CNTNAP2: variants seen among roughly 807,000 people sequenced by gnomAD.
CNTNAP2 encodes the protein contactin-associated protein-like 2.
A neutral mutation model predicts 155.2 loss-of-function variants in CNTNAP2; 98 were observed. The observed-to-expected ratio is 0.63, with a 90% CI of 0.54 to 0.75. CNTNAP2 has a LOEUF of 0.75. Ranked by LOEUF, CNTNAP2 falls within the 30% of genes least tolerant of loss-of-function variation. The pLI is 0.00. For missense variants in CNTNAP2, 1,727 were observed against 1,688.1 expected, an observed-to-expected ratio of 1.02 and a Z score of -0.40; for synonymous variants, 651 against 631.2, an observed-to-expected ratio of 1.03 and a Z score of -0.47.
chr7:147,624,503 A>G (rs1029597247), intron 12 of CNTNAP2, among the ~76,000 whole-genome samples: 4 of 152,214 alleles, frequency 2.6e-5, no homozygotes, highest in African/African-American at 7.2e-5. Flanking sequence ...CAGACATGTG[A>G]AAAAGTGCTA....
chr7:146,706,486 TG>T (rs1800967895), intron 1 of CNTNAP2, among the ~76,000 whole-genome samples: 1 of 152,162 alleles, frequency 6.6e-6, no homozygotes, highest in Non-Finnish European at 1.5e-5. Context: ...ATAATGAATG[TG>T]ATTTATCTAA....
intron 3 of CNTNAP2, among the ~76,000 whole-genome samples, chr7:146,993,010 C>T (rs977089599): frequency 1.3e-5 from 2 of 152,150 alleles, no homozygotes; most frequent in Non-Finnish European, 2.9e-5. Flanking sequence ...TATGGGTCTG[C>T]AGCAACCTCA....
intron 13 of CNTNAP2, among the ~76,000 whole-genome samples, chr7:147,733,373 G>A (rs1402047789): frequency 1.3e-5 from 2 of 152,068 alleles, no homozygotes; most frequent in African/African-American, 2.4e-5. Flanking sequence ...TGTTCCCTTG[G>A]TCTATATCTC....
chr7:147,574,166 T>A (rs1168566196), intron 12 of CNTNAP2, among the ~76,000 whole-genome samples: 1 of 152,196 alleles, frequency 6.6e-6, no homozygotes, highest in Non-Finnish European at 1.5e-5. Context: ...GAAAATTTCC[T>A]TTTCTAATGG....
chr7:147,774,207 A>G (rs1326892663), intron 13 of CNTNAP2, among the ~76,000 whole-genome samples: 2 of 152,196 alleles, frequency 1.3e-5, no homozygotes, highest in Admixed American at 6.5e-5. Context: ...TGCCTCACCA[A>G]TGGAGAGTAA....
intron 13 of CNTNAP2, among the ~76,000 whole-genome samples, chr7:147,875,742 A>G (rs1799411299): frequency 6.6e-6 from 1 of 152,168 alleles, no homozygotes; most frequent in African/African-American, 2.4e-5. Flanking sequence ...AATAATAAAA[A>G]TAAAATAAAT....
At chr7:147,438,559 T>G (rs183057429) in intron 10 of CNTNAP2, among the ~76,000 whole-genome samples, 1 of 151,948 alleles carries the variant, frequency 6.6e-6, no homozygotes, top group Non-Finnish European at 1.5e-5. Context: ...ATTTTTTTCA[T>G]GTGTCTTTGT....
intron 15 of CNTNAP2, among the ~76,000 whole-genome samples, chr7:148,036,589 G>A (rs1049727829): frequency 1.3e-5 from 2 of 151,936 alleles, no homozygotes; most frequent in African/African-American, 2.4e-5. Flanking sequence ...GATGTCCCAG[G>A]CTCCAAAGGG....
intron 4 of CNTNAP2, among the ~76,000 whole-genome samples, chr7:147,080,684 A>G (rs568246966): frequency 6.7e-6 from 1 of 148,190 alleles, no homozygotes; most frequent in Non-Finnish European, 1.5e-5. Context: ...TATAACATAT[A>G]TATCTATATA....
At chr7:147,299,911 C>A (rs1386913387) in intron 8 of CNTNAP2, among the ~76,000 whole-genome samples, 1 of 152,140 alleles carries the variant, frequency 6.6e-6, no homozygotes, top group Admixed American at 6.5e-5. Flanking sequence ...GGTATTAATA[C>A]TGCTTCTCTA....
At chr7:146,573,317 A>G (rs1174073285) in intron 1 of CNTNAP2, among the ~76,000 whole-genome samples, 2 of 151,918 alleles carry the variant, frequency 1.3e-5, no homozygotes. Context: ...TAAGTTTTGT[A>G]TTTTTAGTAG....
chr7:146,460,015 A>T (rs1392063134), intron 1 of CNTNAP2, among the ~76,000 whole-genome samples: 2 of 152,088 alleles, frequency 1.3e-5, no homozygotes, highest in Non-Finnish European at 2.9e-5. Flanking sequence ...GGGCTACTGG[A>T]TGCTTGTGAG....
rs565573565 is a variant in CNTNAP2, at chr7:147,462,317, A to G, written c.1671-23618A>G. The stretch of plus-strand genomic sequence containing the variant: ...GCTTAGAGTCCCCAGTGCTTCATAC[A>G]GTGCATGAAACATAATAGGCAGCCA... On this transcript the variant is annotated intron_variant, in intron 10 of 23. Coordinates refer to ENST00000361727, the MANE Select transcript of CNTNAP2 (RefSeq NM_014141.6). 2.6e-5 allele frequency among the ~76,000 whole-genome samples: 4 copies of G among 152,364 alleles called. No individual in the cohort carries two copies. In the South Asian group the frequency reaches 8.3e-4, roughly 32 times the overall value.
intron 22 of CNTNAP2, among the ~76,000 whole-genome samples, chr7:148,390,695 A>C (rs1799326642): frequency 6.6e-6 from 1 of 152,208 alleles, no homozygotes; most frequent in Non-Finnish European, 1.5e-5. Context: ...CTACTGTCTG[A>C]GATCATAGTA....
Position 147,128,830 on chromosome 7 carries a change from A to G in CNTNAP2, c.1077A>G (p.Ser359=). The change falls in exon 7 of 24, where the codon TCA becomes TCG. Residue 359 remains serine, a synonymous_variant. Coordinates refer to ENST00000361727, the MANE Select transcript of CNTNAP2 (RefSeq NM_014141.6). ...CCAGAAGGAAGAAATTAGAGCCCTC[A>G]AATGTGGTAAGGATTTTCACCCGCA... ...DLARRKKLEP[S]NVGNLSFSCV... 6.2e-7 allele frequency: 1 copy of G among 1,614,022 alleles called. No homozygotes were observed. Among genetic ancestry groups the G allele is most frequent in the Non-Finnish European group, 8.5e-7 (1 of 1,179,882 alleles).
intron 1 of CNTNAP2, among the ~76,000 whole-genome samples, chr7:146,246,266 G>A (rs760457205): frequency 6.0e-5 from 9 of 150,856 alleles, no homozygotes; most frequent in Non-Finnish European, 1.2e-4. Flanking sequence ...ACGCAAAGGA[G>A]GCTTTGGATT....
intron 14 of CNTNAP2, among the ~76,000 whole-genome samples, chr7:147,928,389 G>A (rs1453766724): frequency 5.3e-5 from 8 of 152,090 alleles, no homozygotes; most frequent in Admixed American, 5.2e-4. Flanking sequence ...CCTTCACAAA[G>A]CTATAATATA....
At chr7:147,985,621 G>A (rs1366639579) in intron 15 of CNTNAP2, among the ~76,000 whole-genome samples, 1 of 151,934 alleles carries the variant, frequency 6.6e-6, no homozygotes, top group Non-Finnish European at 1.5e-5. Context: ...TTTTTGACAA[G>A]TCATCAAACA....
chr7:147,784,224 T>C (rs1797698347), intron 13 of CNTNAP2, among the ~76,000 whole-genome samples: 1 of 151,596 alleles, frequency 6.6e-6, no homozygotes, highest in South Asian at 2.1e-4. Context: ...CCAAACAAGG[T>C]CATATTTTGA....
Sources: gnomAD v4.1 joint callset for allele counts (sites outside exome capture counted in the v4.1 genomes callset) on GRCh38, gnomAD v4.1.1 for gene constraint, MANE v1.5 for transcripts, NCBI Gene and HGNC (gene_info 2026-07-23, HGNC 2026-07-21) for gene names.